Variants in RAD51B observed in about 807,000 individuals in gnomAD.
The protein encoded by RAD51B is DNA repair protein RAD51 homolog 2.
In RAD51B, 38 loss-of-function variants were observed where a neutral mutation model predicts 42.2. That is an observed-to-expected ratio of 0.90 (90% CI 0.70 to 1.18). The LOEUF (loss-of-function observed/expected upper bound fraction) is 1.18, where lower values mean the gene tolerates loss of function less well. RAD51B is among the 50% of genes most tolerant of loss of function. The probability of loss-of-function intolerance (pLI) is 0.00; values close to 1 mark genes in which losing one functional copy is unlikely to be tolerated. For missense variants in RAD51B, 373 were observed against 400.7 expected (o/e 0.93, Z 0.59); for synonymous variants, 154 against 145.2 (o/e 1.06, Z -0.43).
At chr14:68,404,725 C>T (rs1272284498) in intron 8 of RAD51B, among the ~76,000 whole-genome samples, 1 of 152,152 alleles carries the variant, frequency 6.6e-6, no homozygotes, top group Non-Finnish European at 1.5e-5. Context: ...AATCCAGCTG[C>T]TGGGCCAGTT....
intron 10 of RAD51B, among the ~76,000 whole-genome samples, chr14:68,577,148 C>A (rs1347696063): frequency 1.3e-5 from 2 of 152,132 alleles, no homozygotes; most frequent in Non-Finnish European, 2.9e-5. Context: ...TGGTCTTGAC[C>A]TTTAGCCTAA....
chr14:68,281,104 T>G (rs919999507), intron 7 of RAD51B, among the ~76,000 whole-genome samples: 1 of 148,848 alleles, frequency 6.7e-6, no homozygotes, highest in Non-Finnish European at 1.5e-5. Flanking sequence ...AAAGTATGAG[T>G]ATTAAGAAGT....
chr14:68,302,440 G>A (rs928865875), intron 8 of RAD51B, among the ~76,000 whole-genome samples: 3 of 151,898 alleles, frequency 2.0e-5, no homozygotes, highest in African/African-American at 7.3e-5. Context: ...CTTAATAGGA[G>A]AGAGAGAAGG....
chr14:68,161,152 T>C (rs2078630834), intron 7 of RAD51B, among the ~76,000 whole-genome samples: 1 of 152,226 alleles, frequency 6.6e-6, no homozygotes, highest in Admixed American at 6.5e-5. Context: ...CTTTATAGGC[T>C]AAAACCAACT....
intron 3 of RAD51B, among the ~76,000 whole-genome samples, chr14:67,834,616 G>T (rs1289157480): frequency 3.3e-5 from 5 of 152,064 alleles, no homozygotes; most frequent in Non-Finnish European, 7.3e-5. Context: ...TACAGTTTGT[G>T]TTAGTCCCTG....
intron 9 of RAD51B, among the ~76,000 whole-genome samples, chr14:68,429,301 C>G (rs2140130415): frequency 1.3e-5 from 2 of 152,278 alleles, no homozygotes; most frequent in South Asian, 4.1e-4. Flanking sequence ...AATGGTATAT[C>G]TAGTTCTAGA....
In RAD51B at chr14:68,072,060, TATTTATATAAATATATAAATATATATA is replaced by T. The variant is rs1566622737; in HGVS notation, c.756+184858_756+184884del. Among the ~76,000 whole-genome samples the T allele has an allele frequency of 9.5e-5, 11 of 115,984 alleles. 1 individual carries two copies. Among genetic ancestry groups the T allele is most frequent in the African/African-American group, 4.9e-4 (11 of 22,468 alleles). The allele number at this position is 115,984 out of a possible 152,430, so 76.1% of individuals were successfully genotyped here. ...TTTTATATATATATATAATTATATA[TATTTATATAAATATATAAATATATATA>T]AATATATAATATATAAAATATAAAA... is the stretch of plus-strand genomic sequence containing the variant. On this transcript the variant is annotated intron_variant, in intron 7 of 10. Coordinates refer to ENST00000471583, the MANE Select transcript of RAD51B (RefSeq NM_133510.4).
At chr14:67,886,636 T>C (rs1339430479) in intron 6 of RAD51B, 1 of 233,446 alleles carries the variant, frequency 4.3e-6, no homozygotes, top group Non-Finnish European at 8.4e-6. Flanking sequence ...TAAGGTACCA[T>C]GATCTTGTCA....
chr14:68,648,017 ATATACG>A (rs1422194003), intron 10 of RAD51B, among the ~76,000 whole-genome samples: 9 of 90,430 alleles, frequency 1.0e-4, no homozygotes, highest in Admixed American at 1.2e-4. Flanking sequence ...ATATATATAT[ATATACG>A]TATATATATA....
intron 7 of RAD51B, chr14:67,908,527 G>A (rs2043856750): frequency 6.6e-6 from 1 of 151,304 alleles, no homozygotes; most frequent in Admixed American, 6.6e-5. Context: ...TTTTAACTGA[G>A]GATGGGAGAT....
At chr14:68,673,873 TG>T (rs1287973355) in intron 11 of RAD51B, among the ~76,000 whole-genome samples, 1 of 82,728 alleles carries the variant, frequency 1.2e-5, no homozygotes, top group East Asian at 3.0e-4. Flanking sequence ...GTACACATAC[TG>T]TGCACACACA....
chr14:68,600,832 C>G (rs1891188029), downstream of RAD51B, among the ~76,000 whole-genome samples: 1 of 152,206 alleles, frequency 6.6e-6, no homozygotes, highest in South Asian at 2.1e-4. Flanking sequence ...AAATCATCTT[C>G]TTAGTGGGCT....
At chr14:68,397,711 G>A (rs1252872242) in intron 8 of RAD51B, among the ~76,000 whole-genome samples, 3 of 152,114 alleles carry the variant, frequency 2.0e-5, no homozygotes, top group Non-Finnish European at 2.9e-5. Context: ...GAGAAGTGTA[G>A]CAGCTTCCCT....
intron 7 of RAD51B, among the ~76,000 whole-genome samples, chr14:68,155,285 G>A (rs566818271): frequency 2.0e-4 from 31 of 151,346 alleles, no homozygotes; most frequent in East Asian, 1.2e-3. Flanking sequence ...TCCGCCTCCC[G>A]GGTTCACGCC....
At chr14:67,951,670 A>G (rs1168579594) in intron 7 of RAD51B, among the ~76,000 whole-genome samples, 1 of 152,234 alleles carries the variant, frequency 6.6e-6, no homozygotes, top group East Asian at 1.9e-4. Context: ...AATTTAGAAT[A>G]TTAAATTGTA....
intron 5 of RAD51B, among the ~76,000 whole-genome samples, chr14:67,882,742 G>C (rs2042947833): frequency 6.6e-6 from 1 of 151,898 alleles, no homozygotes; most frequent in South Asian, 2.1e-4. Flanking sequence ...AATTAGTCAA[G>C]AAATTCTTTC....
At position 68,524,091 on chromosome 14, in the gene RAD51B, A is replaced by G. The variant is rs187159743; in HGVS notation, c.1036+55841A>G. On this transcript the variant is annotated intron_variant, in intron 10 of 10. Coordinates refer to the RAD51B transcript ENST00000487270. Reference sequence around the variant, plus strand: ...TCTAAGGGCTTTGCATGGTTCACTCACTCCTTACGTCATCCCTCGGTGGCA... The same window carrying G: ...TCTAAGGGCTTTGCATGGTTCACTCGCTCCTTACGTCATCCCTCGGTGGCA... 2.6e-5 allele frequency among the ~76,000 whole-genome samples: 4 copies of G among 151,974 alleles called. No homozygotes were observed. The East Asian group carries it at 5.8e-4, about 22-fold the overall frequency.
At chr14:68,500,579 G>A (rs1884848661) in intron 10 of RAD51B, among the ~76,000 whole-genome samples, 1 of 152,252 alleles carries the variant, frequency 6.6e-6, no homozygotes, top group African/African-American at 2.4e-5. Flanking sequence ...GGGTTGGAGT[G>A]ATGGGTTGAT....
At chr14:68,161,697 A>G (rs1212043435) in intron 7 of RAD51B, among the ~76,000 whole-genome samples, 3 of 152,338 alleles carry the variant, frequency 2.0e-5, no homozygotes, top group East Asian at 1.9e-4. Flanking sequence ...AATTTTCACG[A>G]GGCTGCATAG....
Sources: gnomAD v4.1 joint callset for allele counts (sites outside exome capture counted in the v4.1 genomes callset) on GRCh38, gnomAD v4.1.1 for gene constraint, MANE v1.5 for transcripts, NCBI Gene and HGNC (gene_info 2026-07-23, HGNC 2026-07-21) for gene names.